TAS1R1: variants seen among roughly 807,000 people sequenced by gnomAD.
TAS1R1 encodes taste 1 receptor member 1, also known as taste receptor type 1 member 1.
TAS1R1 carries 31 observed loss-of-function variants against 45.8 expected under a neutral mutation model. The observed-to-expected ratio is 0.68, with a 90% CI of 0.51 to 0.91. TAS1R1 has a LOEUF of 0.91. TAS1R1 is among the 40% of genes least tolerant of loss of function. TAS1R1 has a pLI of 0.00. For missense variants in TAS1R1, 1,051 were observed against 1,063.9 expected, an observed-to-expected ratio of 0.99 and a Z score of 0.17; for synonymous variants, 437 against 448.4, an observed-to-expected ratio of 0.97 and a Z score of 0.32.
At chr1:6,575,727 C>T (rs1372771986) in intron 3 of TAS1R1, among the ~76,000 whole-genome samples, 1 of 141,684 alleles carries the variant, frequency 7.1e-6, no homozygotes, top group African/African-American at 2.6e-5. Flanking sequence ...GAGTCTCGCT[C>T]TGTTGCCCAG....
At position 6,558,754 on chromosome 1, in the gene TAS1R1, C is replaced by T. The variant is rs183340244; in HGVS notation, c.191+3190C>T. ...TATATATTTTGAGACAGTCTCCCTCCGTCATCCAGCCTGGAGCCAACTGCT... is the reference window on the plus strand; with the variant it reads ...TATATATTTTGAGACAGTCTCCCTCTGTCATCCAGCCTGGAGCCAACTGCT... On this transcript the variant is annotated intron_variant, in intron 1 of 5. Transcript: ENST00000333172. Among the ~76,000 whole-genome samples, 8 of 152,048 alleles carry T rather than the reference C, an allele frequency of 5.3e-5. No individual in the cohort carries two copies. The South Asian group carries it at 1.0e-3, about 20-fold the overall frequency.
intron 4 of TAS1R1, 60 bp from the exon 5 acceptor site, chr1:6,576,889 TC>T (rs770562646): frequency 6.2e-6 from 10 of 1,610,942 alleles, no homozygotes; most frequent in Non-Finnish European, 8.5e-6. Flanking sequence ...TGTTTTCTGT[TC>T]CACATGTGAG....
intron 1 of TAS1R1, among the ~76,000 whole-genome samples, chr1:6,559,247 C>G (rs773236460): frequency 5.9e-5 from 9 of 151,726 alleles, no homozygotes; most frequent in Non-Finnish European, 1.0e-4. Context: ...CCAGGCTGCT[C>G]TCGAACTTCT....
chr1:6,564,752 G>A (rs1639846292), intron 1 of TAS1R1, among the ~76,000 whole-genome samples: 1 of 152,182 alleles, frequency 6.6e-6, no homozygotes, highest in Admixed American at 6.5e-5. Flanking sequence ...GAATTTGGGC[G>A]ACTACTGCGG....
chr1:6,568,241 A>G (rs976682217), intron 1 of TAS1R1, among the ~76,000 whole-genome samples: 1 of 151,968 alleles, frequency 6.6e-6, no homozygotes, highest in South Asian at 2.1e-4. Flanking sequence ...CAAGGTCAGG[A>G]TATTGAGACC....
Position 6,555,358 on chromosome 1 carries a change from C to A in TAS1R1, c.-16C>A. On this transcript the variant is annotated 5_prime_UTR_variant, in exon 1 of 6. Transcript: ENST00000333172. ...GGCCACTCCTTGGCCATGCCAGGCG[C>A]GGGCATCTGGCCAGCATGCTGCTCT... 1 of 1,563,006 alleles carries A rather than the reference C, an allele frequency of 6.4e-7. No homozygotes were observed. Among genetic ancestry groups the A allele is most frequent in the Middle Eastern group, 1.8e-4 (1 of 5,412 alleles).
At chr1:6,568,306 T>C (rs753153435) in intron 1 of TAS1R1, among the ~76,000 whole-genome samples, 10 of 151,568 alleles carry the variant, frequency 6.6e-5, no homozygotes, top group Non-Finnish European at 1.3e-4. Context: ...ACAAAAAAAA[T>C]TAGCCGGGCG....
In TAS1R1 at chr1:6,579,337, A is replaced by G. The variant is rs139812264; in HGVS notation, c.2279A>G (p.Lys760Arg). ...TTGCCAGAGAACTACAACGAGGCCAAATGTGTCACCTTCAGCCTGCTCTTC... is the reference window on the plus strand; with the variant it reads ...TTGCCAGAGAACTACAACGAGGCCAGATGTGTCACCTTCAGCCTGCTCTTC... ...KDLPENYNEA[K>R]CVTFSLLFNF... Residue 760 changes from lysine to arginine, a missense_variant, in exon 6 of 6, where the codon AAA becomes AGA. Lys to Arg is a conservative substitution (Grantham distance 26). Coordinates refer to ENST00000333172, the MANE Select transcript of TAS1R1 (RefSeq NM_138697.4). 2.0e-5 allele frequency: 32 copies of G among 1,614,100 alleles called. No homozygotes were observed. The highest frequency in any genetic ancestry group is 2.5e-5 in the Non-Finnish European group (29 of 1,180,032).
intron 1 of TAS1R1, among the ~76,000 whole-genome samples, chr1:6,566,837 T>C (rs976318994): frequency 6.6e-6 from 1 of 152,140 alleles, no homozygotes; most frequent in African/African-American, 2.4e-5. Context: ...CCTCGTGATC[T>C]GCCCGCCTCG....
At chr1:6,556,429 CTCAG>C (rs1196684866) in intron 1 of TAS1R1, among the ~76,000 whole-genome samples, 1 of 148,902 alleles carries the variant, frequency 6.7e-6, no homozygotes, top group African/African-American at 2.5e-5. Flanking sequence ...GAGATGGAGA[CTCAG>C]TCTGTCATCC....
intron 1 of TAS1R1, among the ~76,000 whole-genome samples, chr1:6,555,886 T>TTTTTTTTTTG (rs1441795030): frequency 3.8e-5 from 5 of 130,862 alleles, no homozygotes; most frequent in Non-Finnish European, 8.0e-5. Context: ...TTTTTTTTTT[T>TTTTTTTTTTG]TTTGAGACGG....
rs1640139376 is a variant in TAS1R1, at chr1:6,575,349, G to A, written c.1217G>A (p.Cys406Tyr). Residue 406 changes from cysteine to tyrosine, a missense_variant, in exon 3 of 6, where the codon TGT becomes TAT. Transcript: ENST00000333172. Reference protein sequence around the residue: ...VAHGLHQLLGCASGACSRGRV... With the variant: ...VAHGLHQLLGYASGACSRGRV... ...CATGGCCTCCACCAGCTCCTGGGCT[G>A]TGCCTCTGGAGCTTGTTCCAGGGGC... 1.2e-6 allele frequency: 2 copies of A among 1,601,364 alleles called. No individual in the cohort carries two copies. The highest frequency in any genetic ancestry group is 1.3e-5 in the African/African-American group (1 of 74,400).
intron 1 of TAS1R1, among the ~76,000 whole-genome samples, chr1:6,566,627 G>A (rs796747223): frequency 6.2e-4 from 94 of 152,188 alleles, no homozygotes; most frequent in African/African-American, 2.1e-3. Flanking sequence ...ATGGAGTCTC[G>A]CTCTGTTGCC....
chr1:6,571,288 G>C (rs1478576256), intron 2 of TAS1R1, 73 bp downstream of exon 2: 1 of 1,361,776 alleles, frequency 7.3e-7, no homozygotes, highest in Non-Finnish European at 9.5e-7. Context: ...GGCAAGAGCT[G>C]CTGTCCCCCC....
chr1:6,571,832 C>T (rs1388282873), intron 2 of TAS1R1, among the ~76,000 whole-genome samples: 1 of 151,990 alleles, frequency 6.6e-6, no homozygotes, highest in Admixed American at 6.6e-5. Flanking sequence ...CCATCCTCCC[C>T]CCAAAAAAGG....
chr1:6,577,630 G>C (rs1458379179), intron 5 of TAS1R1, among the ~76,000 whole-genome samples: 1 of 151,590 alleles, frequency 6.6e-6, no homozygotes, highest in Non-Finnish European at 1.5e-5. Flanking sequence ...TTCGAGACCA[G>C]CCTGACCAAC....
At chr1:6,567,425 T>G (rs903005601) in intron 1 of TAS1R1, among the ~76,000 whole-genome samples, 1 of 152,044 alleles carries the variant, frequency 6.6e-6, no homozygotes, top group Non-Finnish European at 1.5e-5. Flanking sequence ...CCAGGCGTGG[T>G]GGTGTGCGCC....
At chr1:6,570,024 GGA>G (rs397979009) in intron 1 of TAS1R1, among the ~76,000 whole-genome samples, 1,067 of 32,408 alleles carry the variant, frequency 0.033, 22 homozygotes, top group African/African-American at 0.057. Context: ...GGAGGGAGGG[GGA>G]GAGAGAGAGA....
chr1:6,556,621 C>T (rs1460196189), intron 1 of TAS1R1, among the ~76,000 whole-genome samples: 1 of 151,680 alleles, frequency 6.6e-6, no homozygotes, highest in Non-Finnish European at 1.5e-5. Flanking sequence ...AGGCTGGTCT[C>T]GAACTCCCGA....
Sources: allele counts gnomAD v4.1 joint callset (sites outside exome capture counted in the v4.1 genomes callset), GRCh38; gene constraint gnomAD v4.1.1; transcripts MANE v1.5; gene names NCBI Gene and HGNC (gene_info 2026-07-23, HGNC 2026-07-21).